The following DTNB variants were observed in gnomAD, a reference collection of about 807,000 sequenced individuals.
The protein encoded by DTNB is DTN-B.
DTNB carries 63 observed loss-of-function variants against 90.7 expected under a neutral mutation model. The observed-to-expected ratio is 0.69, with a 90% CI of 0.57 to 0.86. DTNB has a LOEUF of 0.86. Among genes scored for constraint, DTNB ranks in the 40% least tolerant of loss-of-function variants. The pLI, the probability that DTNB is intolerant of heterozygous loss-of-function variation, is 0.00. For missense variants in DTNB, 744 were observed against 807.1 expected, an observed-to-expected ratio of 0.92 and a Z score of 0.95; for synonymous variants, 277 against 286.7, an observed-to-expected ratio of 0.97 and a Z score of 0.34.
chr2:25,588,899 C>A (rs1262934712), intron 6 of DTNB, among the ~76,000 whole-genome samples: 1 of 152,140 alleles, frequency 6.6e-6, no homozygotes, highest in East Asian at 1.9e-4. Context: ...CTAATCCACA[C>A]CAAAGTACAC....
intron 12 of DTNB, among the ~76,000 whole-genome samples, chr2:25,445,676 A>AG (rs1292541192): frequency 6.6e-6 from 1 of 152,176 alleles, no homozygotes; most frequent in East Asian, 1.9e-4. Context: ...CTCCAGCCTC[A>AG]GGGCCTTTAC....
rs546035099 is a variant in DTNB at position 25,605,481 on chromosome 2, G to A, written c.448+1755C>T. On this transcript the variant is annotated intron_variant, in intron 5 of 20. Coordinates refer to ENST00000406818, the MANE Select transcript of DTNB (RefSeq NM_021907.5). ...TTCCAAACCGAGAACTAGAATTTGC[G>A]CCTTTTCACTAACAGTTATAACGCA... Among the ~76,000 whole-genome samples, 16 of 152,254 alleles carry A rather than the reference G, an allele frequency of 1.1e-4. No individual in the cohort carries two copies. In the South Asian group the frequency reaches 2.5e-3, roughly 24 times the overall value.
chr2:25,455,374 G>A, intron 11 of DTNB, 31 bp downstream of exon 11: 2 of 1,560,034 alleles, frequency 1.3e-6, no homozygotes, highest in Non-Finnish European at 1.7e-6. Context: ...GATCACCCGT[G>A]GCTACCCACT....
intron 1 of DTNB, among the ~76,000 whole-genome samples, chr2:25,661,863 A>C (rs999054724): frequency 1.3e-5 from 2 of 152,228 alleles, no homozygotes; most frequent in Non-Finnish European, 2.9e-5. Flanking sequence ...TAATATTAAA[A>C]ATGGATATAG....
At chr2:25,595,969 T>A (rs1306180176) in intron 6 of DTNB, 117 bp downstream of exon 6, 1 of 951,392 alleles carries the variant, frequency 1.1e-6, no homozygotes, top group Admixed American at 6.6e-5. Flanking sequence ...CTTTAAAGCT[T>A]TTTTCCTCCC....
chr2:25,650,624 T>C (rs2080694289), intron 2 of DTNB, among the ~76,000 whole-genome samples: 1 of 152,096 alleles, frequency 6.6e-6, no homozygotes, highest in Non-Finnish European at 1.5e-5. Context: ...GTCTTTCCCA[T>C]TAAAGTGATG....
At chr2:25,515,355 C>T (rs1193721048) in intron 9 of DTNB, among the ~76,000 whole-genome samples, 2 of 152,138 alleles carry the variant, frequency 1.3e-5, no homozygotes, top group Non-Finnish European at 2.9e-5. Context: ...AAGAAGAGAA[C>T]TTACACTACC....
intron 6 of DTNB, among the ~76,000 whole-genome samples, chr2:25,585,937 T>C (rs868029684): frequency 6.6e-6 from 1 of 152,228 alleles, no homozygotes; most frequent in Non-Finnish European, 1.5e-5. Flanking sequence ...ATTTTGGACT[T>C]TGAAAATAAG....
Position 25,639,111 on chromosome 2 carries a change from A to G in DTNB, c.68-17T>C, listed in dbSNP as rs542707001. The G allele has an allele frequency of 1.3e-6, 2 of 1,557,462 alleles. No individual in the cohort carries two copies. Among genetic ancestry groups the G allele is most frequent in the African/African-American group, 1.4e-5 (1 of 74,018 alleles). On this transcript the variant is annotated splice_polypyrimidine_tract_variant and intron_variant, in intron 2 of 20. Coordinates refer to ENST00000406818, the MANE Select transcript of DTNB (RefSeq NM_021907.5). ...TCTGAGCACCTGAAAAAAGGCAAAC[A>G]GAAATGCTCAACTAGATTTACCATT...
chr2:25,554,128 G>T (rs1303785799), intron 8 of DTNB, among the ~76,000 whole-genome samples: 1 of 152,150 alleles, frequency 6.6e-6, no homozygotes, highest in Non-Finnish European at 1.5e-5. Flanking sequence ...AACTGAAAAA[G>T]CTGTGAATGT....
chr2:25,554,106 T>G (rs376244176), intron 8 of DTNB, among the ~76,000 whole-genome samples: 15 of 152,300 alleles, frequency 9.8e-5, no homozygotes, highest in South Asian at 8.3e-4. Context: ...CATGAAATGC[T>G]AATACTTTTA....
intron 10 of DTNB, among the ~76,000 whole-genome samples, chr2:25,459,376 A>G (rs1432569369): frequency 6.6e-6 from 1 of 151,926 alleles, no homozygotes; most frequent in African/African-American, 2.4e-5. Flanking sequence ...GTGTAAGTCC[A>G]TCCATTGAAT....
intron 8 of DTNB, among the ~76,000 whole-genome samples, chr2:25,535,523 C>T (rs1337172192): frequency 6.1e-5 from 9 of 148,512 alleles, no homozygotes; most frequent in South Asian, 2.1e-4. Context: ...CTCTTCACTT[C>T]CCAGACGGGG....
At chr2:25,648,455 A>G (rs2080025496) in intron 2 of DTNB, among the ~76,000 whole-genome samples, 2 of 152,196 alleles carry the variant, frequency 1.3e-5, no homozygotes, top group South Asian at 2.1e-4. Context: ...TCATAATAGT[A>G]AAGGTAACAC....
At chr2:25,441,893 G>C (rs553314398) in intron 12 of DTNB, among the ~76,000 whole-genome samples, 1 of 152,182 alleles carries the variant, frequency 6.6e-6, no homozygotes, top group Admixed American at 6.5e-5. Flanking sequence ...AGTTAGGATA[G>C]AGATGGTATT....
At chr2:25,543,723 C>T (rs980402911) in intron 8 of DTNB, among the ~76,000 whole-genome samples, 3 of 151,996 alleles carry the variant, frequency 2.0e-5, no homozygotes, top group Admixed American at 1.3e-4. Flanking sequence ...TTACTTGTTT[C>T]GTCTTTTTCC....
chr2:25,514,172 A>G (rs519177), intron 9 of DTNB, among the ~76,000 whole-genome samples: 46,983 of 152,030 alleles, frequency 0.31, 8,352 homozygotes, highest in East Asian at 0.51. Context: ...TTAGATAAAA[A>G]AGTTACAGAA....
At chr2:25,572,650 G>A (rs777841304) in intron 8 of DTNB, among the ~76,000 whole-genome samples, 2 of 151,312 alleles carry the variant, frequency 1.3e-5, no homozygotes, top group Non-Finnish European at 2.9e-5. Context: ...CAAGTTCTCA[G>A]AGGTTTTTTG....
At chr2:25,380,168 T>C (rs1338288007) in intron 19 of DTNB, among the ~76,000 whole-genome samples, 1 of 152,232 alleles carries the variant, frequency 6.6e-6, no homozygotes, top group Non-Finnish European at 1.5e-5. Flanking sequence ...GAGCAGACTA[T>C]GTTTGCCTGA....
Sources: allele counts gnomAD v4.1 joint callset (sites outside exome capture counted in the v4.1 genomes callset), GRCh38; gene constraint gnomAD v4.1.1; transcripts MANE v1.5; gene names NCBI Gene and HGNC (gene_info 2026-07-23, HGNC 2026-07-21).